Variants in VPS41 observed in about 807,000 individuals in gnomAD.
The protein encoded by VPS41 is vacuolar protein sorting-associated protein 41 homolog.
Under a neutral mutation model 130.9 loss-of-function variants are expected in VPS41, and 85 were observed. That is an observed-to-expected ratio of 0.65 (90% CI 0.55 to 0.78). The LOEUF (loss-of-function observed/expected upper bound fraction) is 0.78, where lower values mean the gene tolerates loss of function less well. VPS41 is among the 30% of genes least tolerant of loss of function. VPS41 has a pLI of 0.00. For missense variants in VPS41, 874 were observed against 1,018.7 expected (o/e 0.86, Z 1.93); for synonymous variants, 335 against 332.9 (o/e 1.01, Z -0.07).
intron 4 of VPS41, among the ~76,000 whole-genome samples, chr7:38,853,936 T>C (rs1562610901): frequency 6.6e-6 from 1 of 152,224 alleles, no homozygotes; most frequent in African/African-American, 2.4e-5. Flanking sequence ...ATTCTGACCA[T>C]GTTTTCTTAG....
intron 17 of VPS41, among the ~76,000 whole-genome samples, chr7:38,761,375 A>G (rs1214477223): frequency 6.8e-6 from 1 of 146,826 alleles, no homozygotes; most frequent in Non-Finnish European, 1.5e-5. Flanking sequence ...TCCTAGGCTC[A>G]AGCAAGTCTC....
intron 7 of VPS41, among the ~76,000 whole-genome samples, chr7:38,806,906 T>A (rs549199934): frequency 1.3e-5 from 2 of 152,166 alleles, no homozygotes; most frequent in East Asian, 3.9e-4. Context: ...AAAACCAACA[T>A]CAGCCGAGGC....
chr7:38,802,207 C>T (rs540781664), intron 7 of VPS41, among the ~76,000 whole-genome samples: 1 of 152,302 alleles, frequency 6.6e-6, no homozygotes, highest in African/African-American at 2.4e-5. Flanking sequence ...ACTGGCCACA[C>T]GTTTGGCCTG....
chr7:38,893,883 A>G (rs187013302), intron 2 of VPS41, among the ~76,000 whole-genome samples: 4 of 152,352 alleles, frequency 2.6e-5, no homozygotes, highest in Admixed American at 2.0e-4. Flanking sequence ...AATGAAAAAC[A>G]TACGGCCAGT....
intron 7 of VPS41, among the ~76,000 whole-genome samples, chr7:38,802,963 A>G (rs577040816): frequency 2.0e-5 from 3 of 152,358 alleles, no homozygotes; most frequent in Non-Finnish European, 4.4e-5. Context: ...TGTTTCCAAG[A>G]GGTCTATTTT....
chr7:38,905,408 T>C (rs1242964254), intron 1 of VPS41, among the ~76,000 whole-genome samples: 1 of 152,270 alleles, frequency 6.6e-6, no homozygotes, highest in Non-Finnish European at 1.5e-5. Flanking sequence ...TCATTTTTTC[T>C]GTAAACTATA....
chr7:38,821,706 C>CAAAAAAA (rs10669199), intron 5 of VPS41, among the ~76,000 whole-genome samples: 6 of 117,412 alleles, frequency 5.1e-5, no homozygotes, highest in Admixed American at 9.2e-5. Flanking sequence ...GACTCCGTCT[C>CAAAAAAA]AAAAAAAAAA....
chr7:38,766,990 C>T (rs1784058322), intron 15 of VPS41, among the ~76,000 whole-genome samples: 2 of 152,278 alleles, frequency 1.3e-5, no homozygotes, highest in Non-Finnish European at 2.9e-5. Context: ...GATTCAGATA[C>T]CCTAAGCTCA....
At chr7:38,797,864 A>T (rs1056731105) in intron 7 of VPS41, among the ~76,000 whole-genome samples, 1 of 152,202 alleles carries the variant, frequency 6.6e-6, no homozygotes, top group Non-Finnish European at 1.5e-5. Context: ...GGAAGCACAA[A>T]ATAAAATCCC....
chr7:38,731,758 A>G (rs965201201), intron 25 of VPS41, among the ~76,000 whole-genome samples: 1 of 148,382 alleles, frequency 6.7e-6, no homozygotes, highest in South Asian at 2.1e-4. Context: ...ATTTTGTGCT[A>G]TTTTTCTTTT....
intron 5 of VPS41, among the ~76,000 whole-genome samples, chr7:38,822,666 T>C (rs1397707829): frequency 6.6e-6 from 1 of 152,226 alleles, no homozygotes; most frequent in African/African-American, 2.4e-5. Flanking sequence ...TGGACTTATA[T>C]ACATATTCAT....
chr7:38,905,056 T>A (rs750316166), intron 1 of VPS41, among the ~76,000 whole-genome samples: 3 of 152,190 alleles, frequency 2.0e-5, no homozygotes, highest in Admixed American at 1.3e-4. Context: ...ATAAAATAAT[T>A]TCACGCAAAT....
intron 25 of VPS41, among the ~76,000 whole-genome samples, chr7:38,729,409 G>C (rs189058884): frequency 4.6e-5 from 7 of 151,132 alleles, no homozygotes; most frequent in African/African-American, 1.7e-4. Flanking sequence ...TGCTATGAAT[G>C]TGGTGTGTGT....
chr7:38,798,553 G>A (rs931747195), intron 7 of VPS41, among the ~76,000 whole-genome samples: 5 of 152,106 alleles, frequency 3.3e-5, no homozygotes, highest in African/African-American at 1.2e-4. Context: ...TTGGCCTCCC[G>A]AAGTGCTGGG....
chr7:38,803,880 T>G (rs894718560), intron 7 of VPS41, among the ~76,000 whole-genome samples: 1 of 152,230 alleles, frequency 6.6e-6, no homozygotes, highest in African/African-American at 2.4e-5. Flanking sequence ...AACACGCAGC[T>G]TCTCTAAACA....
rs367633363 is a variant in VPS41, at chr7:38,728,513, T to C, written c.2404+29A>G. 14 of 1,613,740 alleles carry C rather than the reference T, an allele frequency of 8.7e-6. No homozygotes were observed. The African/African-American group carries it at 1.7e-4, about 20-fold the overall frequency. ...TCCACTCATCATTAAAATACATGTT[T>C]GGGATTTTTTTGGGGAAAACCTTCT... On this transcript the variant is annotated intron_variant, in intron 27 of 28. Transcript: ENST00000310301.
Position 38,855,719 on chromosome 7 carries a change from G to A in VPS41, c.246+6826C>T, listed in dbSNP as rs3801126. On this transcript the variant is annotated intron_variant, in intron 4 of 28. Transcript: ENST00000310301. ...TTTACACACTTCCTTCCCTGATACC[G>A]TTTGCATCTGGAATGATCTTTTAAA... Among the ~76,000 whole-genome samples the A allele has an allele frequency of 7.2e-5, 11 of 152,038 alleles. No homozygotes were observed. In the East Asian group the frequency reaches 1.4e-3, roughly 19 times the overall value.
At chr7:38,898,363 T>C (rs1215072159) in intron 1 of VPS41, among the ~76,000 whole-genome samples, 1 of 152,058 alleles carries the variant, frequency 6.6e-6, no homozygotes, top group Non-Finnish European at 1.5e-5. Context: ...GGTAAACAAA[T>C]TACCCCAGGA....
intron 21 of VPS41, among the ~76,000 whole-genome samples, chr7:38,754,388 T>C (rs143110041): frequency 1.3e-5 from 2 of 152,300 alleles, no homozygotes; most frequent in African/African-American, 4.8e-5. Context: ...AAAACATTCA[T>C]TATAGTTAAA....
Sources: gnomAD v4.1 joint callset for allele counts (sites outside exome capture counted in the v4.1 genomes callset) on GRCh38, gnomAD v4.1.1 for gene constraint, MANE v1.5 for transcripts, NCBI Gene and HGNC (gene_info 2026-07-23, HGNC 2026-07-21) for gene names.